The following SLC26A5 variants were observed in gnomAD, a reference collection of about 807,000 sequenced individuals.
The protein encoded by SLC26A5 is solute carrier family 26 member 5, also known as prestin.
SLC26A5 carries 51 observed loss-of-function variants against 81.0 expected under a neutral mutation model. That is an observed-to-expected ratio of 0.63 (90% CI 0.50 to 0.80). The LOEUF (loss-of-function observed/expected upper bound fraction) is 0.80. Ranked by LOEUF, SLC26A5 falls within the 30% of genes least tolerant of loss-of-function variation. The pLI, the probability that SLC26A5 is intolerant of heterozygous loss-of-function variation, is 0.00. For synonymous variants in SLC26A5, 325 were observed against 332.8 expected (o/e 0.98, Z 0.25); for missense variants, 771 against 905.8 (o/e 0.85, Z 1.91).
At chr7:103,392,267 T>C (rs952336850) in intron 10 of SLC26A5, among the ~76,000 whole-genome samples, 2 of 152,228 alleles carry the variant, frequency 1.3e-5, no homozygotes, top group African/African-American at 2.4e-5. Flanking sequence ...GACATTGTTA[T>C]GTCAACATTA....
chr7:103,429,817 A>C (rs1490287873), intron 2 of SLC26A5, among the ~76,000 whole-genome samples: 2 of 152,226 alleles, frequency 1.3e-5, no homozygotes, highest in African/African-American at 2.4e-5. Flanking sequence ...TGTTGGCTGA[A>C]TGATCTTGAG....
In SLC26A5 at chr7:103,420,731, T is replaced by C; in HGVS notation, c.292+7A>G. ...GCAAGGGGGGAAAGAAAGAAAGATC[T>C]ACTGACCTTGAGGAAGCTGAAGCAC... On this transcript the variant is annotated splice_region_variant and intron_variant, in intron 4 of 19. Coordinates refer to ENST00000306312, the MANE Select transcript of SLC26A5 (RefSeq NM_198999.3). 1.2e-6 allele frequency: 2 copies of C among 1,614,006 alleles called. No individual in the cohort carries two copies. The highest frequency in any genetic ancestry group is 1.3e-5 in the African/African-American group (1 of 75,032).
chr7:103,435,995 A>G (rs1309069603), intron 2 of SLC26A5, among the ~76,000 whole-genome samples: 3 of 152,286 alleles, frequency 2.0e-5, no homozygotes, highest in East Asian at 3.9e-4. Context: ...TATAAAACAC[A>G]TTTTAATATA....
chr7:103,362,154 T>G, intron 19 of SLC26A5: 1 of 1,599,462 alleles, frequency 6.3e-7, no homozygotes. Context: ...TTCATATCCT[T>G]GGCTTTGTAG....
At chr7:103,408,182 T>C (rs922047264) in intron 7 of SLC26A5, among the ~76,000 whole-genome samples, 179 bp from the exon 8 acceptor site, 10 of 152,238 alleles carry the variant, frequency 6.6e-5, no homozygotes, top group African/African-American at 2.4e-4. Context: ...TTACCCAGTC[T>C]ACAACTTTAT....
downstream of SLC26A5, among the ~76,000 whole-genome samples, chr7:103,371,688 T>C (rs1225118449): frequency 6.7e-6 from 1 of 148,386 alleles, no homozygotes; most frequent in African/African-American, 2.5e-5. Context: ...CTAAAGAATG[T>C]GCAATAATTT....
At chr7:103,399,967 T>C (rs1232004548) in intron 8 of SLC26A5, among the ~76,000 whole-genome samples, 1 of 152,276 alleles carries the variant, frequency 6.6e-6, no homozygotes, top group East Asian at 1.9e-4. Flanking sequence ...ATCCAGTCTA[T>C]CATTGATGGG....
At chr7:103,416,024 G>A (rs1357726116) in intron 4 of SLC26A5, among the ~76,000 whole-genome samples, 1 of 152,050 alleles carries the variant, frequency 6.6e-6, no homozygotes, top group East Asian at 1.9e-4. Context: ...TTCCAACCCT[G>A]ACTAAATATT....
intron 19 of SLC26A5, among the ~76,000 whole-genome samples, chr7:103,360,679 GT>G (rs1299395253): frequency 2.0e-5 from 3 of 152,118 alleles, no homozygotes; most frequent in Non-Finnish European, 4.4e-5. Flanking sequence ...TGTGAGTTCT[GT>G]TTTTTGTTTT....
chr7:103,413,332 A>AT (rs1163547790), intron 4 of SLC26A5, among the ~76,000 whole-genome samples: 44 of 151,550 alleles, frequency 2.9e-4, no homozygotes, highest in South Asian at 4.2e-4. Flanking sequence ...CCAGTGGGTG[A>AT]TTTTTTTTTC....
chr7:103,438,333 C>A (rs994790420), intron 2 of SLC26A5, among the ~76,000 whole-genome samples: 3 of 151,664 alleles, frequency 2.0e-5, no homozygotes, highest in African/African-American at 4.8e-5. Context: ...TATAATTTAT[C>A]AGTTAAAATA....
chr7:103,421,209 G>A (rs779593204), intron 3 of SLC26A5, among the ~76,000 whole-genome samples, 154 bp downstream of exon 3: 67 of 152,152 alleles, frequency 4.4e-4, no homozygotes, highest in Non-Finnish European at 1.2e-4. Flanking sequence ...AATATCTAAC[G>A]CTGACTGAAC....
At chr7:103,396,708 G>A (rs76621871) in intron 9 of SLC26A5, among the ~76,000 whole-genome samples, 7,409 of 152,194 alleles carry the variant, frequency 0.049, 604 homozygotes, top group African/African-American at 0.17. Flanking sequence ...CTTAAGGGGT[G>A]GAGAGTTACA....
intron 14 of SLC26A5, among the ~76,000 whole-genome samples, chr7:103,384,496 C>T (rs1380952058): frequency 1.3e-5 from 2 of 151,896 alleles, no homozygotes; most frequent in East Asian, 3.9e-4. Context: ...CCTGTAATCC[C>T]AGCTACTCAA....
chr7:103,399,565 ACTT>A lies in SLC26A5; in HGVS notation c.889-1554_889-1552del, dbSNP rs1021564315. 6.6e-5 allele frequency among the ~76,000 whole-genome samples: 10 copies of A among 152,212 alleles called. 1 individual carries two copies. Among genetic ancestry groups the A allele is most frequent in the African/African-American group, 9.6e-5 (4 of 41,542 alleles). On this transcript the variant is annotated intron_variant, in intron 8 of 19. Coordinates refer to ENST00000306312, the MANE Select transcript of SLC26A5 (RefSeq NM_198999.3). ...TTTGGATCAGACACCTATACTCTTC[ACTT>A]CTTTTTTAAATTTTTAAATTTATTA...
At chr7:103,360,537 G>T (rs2116211147) in intron 19 of SLC26A5, among the ~76,000 whole-genome samples, 1 of 152,218 alleles carries the variant, frequency 6.6e-6, no homozygotes, top group East Asian at 1.9e-4. Context: ...GGGACTACAG[G>T]TGCATCCCAC....
In SLC26A5 at chr7:103,438,090, C is replaced by T. The variant is rs144798098; in HGVS notation, c.-54+4993G>A. 7.2e-3 allele frequency among the ~76,000 whole-genome samples: 1,099 copies of T among 152,150 alleles called. 11 individuals carry two copies. The highest frequency in any genetic ancestry group is 0.025 in the African/African-American group (1,053 of 41,500). ...TATCCATAGGAGAGTGGTGCCAGGA[C>T]GCCACAAGGATATCAAAATCCACAG... On this transcript the variant is annotated intron_variant, in intron 2 of 19. Transcript: ENST00000306312.
chr7:103,352,814 A>C (rs1052265872), exon 20 of SLC26A5: 2 of 780,292 alleles, frequency 2.6e-6, no homozygotes, highest in Non-Finnish European at 4.8e-6. Context: ...CCCCACTAAC[A>C]GATTCCAGAG....
intron 14 of SLC26A5, among the ~76,000 whole-genome samples, chr7:103,380,779 CACAT>C (rs914826815): frequency 1.3e-5 from 2 of 151,736 alleles, no homozygotes; most frequent in African/African-American, 4.9e-5. Flanking sequence ...GCCACACACA[CACAT>C]ACATACCACA....
Sources: gnomAD v4.1 joint callset for allele counts (sites outside exome capture counted in the v4.1 genomes callset) on GRCh38, gnomAD v4.1.1 for gene constraint, MANE v1.5 for transcripts, NCBI Gene and HGNC (gene_info 2026-07-23, HGNC 2026-07-21) for gene names.